AZIN1: variants seen among roughly 807,000 people sequenced by gnomAD.
AZIN1 encodes the protein ornithine decarboxylase antizyme inhibitor.
Under a neutral mutation model 47.4 loss-of-function variants are expected in AZIN1, and 12 were observed. That is an observed-to-expected ratio of 0.25 (90% confidence interval 0.16 to 0.41). The LOEUF (loss-of-function observed/expected upper bound fraction) is 0.41. Ranked by LOEUF, AZIN1 falls within the 10% of genes least tolerant of loss-of-function variation. The pLI, the probability that AZIN1 is intolerant of heterozygous loss-of-function variation, is 1.00. For missense variants in AZIN1, 410 were observed against 532.4 expected, an observed-to-expected ratio of 0.77 and a Z score of 2.26; for synonymous variants, 155 against 176.3, an observed-to-expected ratio of 0.88 and a Z score of 0.96.
chr8:102,831,366 G>C (rs1250404606), intron 9 of AZIN1, among the ~76,000 whole-genome samples: 6 of 151,776 alleles, frequency 4.0e-5, no homozygotes, highest in Non-Finnish European at 8.8e-5. Flanking sequence ...TGAAAATCTG[G>C]TTAAAAACAG....
intron 1 of AZIN1, among the ~76,000 whole-genome samples, chr8:102,858,913 T>C (rs1231513021): frequency 6.6e-6 from 1 of 152,240 alleles, no homozygotes; most frequent in Non-Finnish European, 1.5e-5. Flanking sequence ...TAAGCTAAAA[T>C]GATATACCTA....
At chr8:102,862,584 A>G (rs1813752210) in intron 1 of AZIN1, among the ~76,000 whole-genome samples, 1 of 152,214 alleles carries the variant, frequency 6.6e-6, no homozygotes, top group African/African-American at 2.4e-5. Context: ...GACAATCATG[A>G]GCCATGTTTC....
At chr8:102,834,983 A>G (rs1055020977) in intron 6 of AZIN1, 8 of 465,698 alleles carry the variant, frequency 1.7e-5, no homozygotes, top group Admixed American at 1.2e-4. Flanking sequence ...ATTCTTAACA[A>G]TAAGTCAATT....
At chr8:102,846,023 C>A (rs1586184339) in intron 2 of AZIN1, among the ~76,000 whole-genome samples, 1 of 152,174 alleles carries the variant, frequency 6.6e-6, no homozygotes, top group African/African-American at 2.4e-5. Flanking sequence ...TTAATTGTAT[C>A]TCAGTTGCTG....
At chr8:102,831,000 A>T (rs1811421410) in intron 9 of AZIN1, among the ~76,000 whole-genome samples, 1 of 152,096 alleles carries the variant, frequency 6.6e-6, no homozygotes, top group Admixed American at 6.6e-5. Context: ...ACTCACAGCT[A>T]CTCTACTCTT....
intron 3 of AZIN1, among the ~76,000 whole-genome samples, chr8:102,842,292 AGG>A (rs1563538985): frequency 2.0e-5 from 3 of 152,182 alleles, no homozygotes. Context: ...AACTGAGACC[AGG>A]CACAGTGGCT....
At chr8:102,850,460 A>G (rs1812849583) in intron 2 of AZIN1, among the ~76,000 whole-genome samples, 2 of 152,188 alleles carry the variant, frequency 1.3e-5, no homozygotes, top group Non-Finnish European at 2.9e-5. Flanking sequence ...ATACCTTTAA[A>G]AGTAATTGAC....
intron 6 of AZIN1, 76 bp from the exon 7 acceptor site, chr8:102,834,823 A>G: frequency 1.1e-6 from 1 of 940,792 alleles, no homozygotes; most frequent in Non-Finnish European, 1.7e-6. Flanking sequence ...TTCAACTGTC[A>G]CTCATCATAT....
intron 4 of AZIN1, among the ~76,000 whole-genome samples, chr8:102,839,397 A>G (rs527998613): frequency 4.6e-5 from 7 of 152,338 alleles, no homozygotes; most frequent in African/African-American, 1.2e-4. Context: ...CTCTAGCCTA[A>G]GAATGAGGAA....
chr8:102,855,979 G>A (rs1183425833), intron 2 of AZIN1: 2 of 151,954 alleles, frequency 1.3e-5, no homozygotes, highest in African/African-American at 4.8e-5. Context: ...GAATGAGTCA[G>A]CACCCTGCAA....
intron 4 of AZIN1, 108 bp downstream of exon 4, chr8:102,839,542 A>T (rs1297993607): frequency 1.3e-6 from 1 of 745,178 alleles, no homozygotes; most frequent in Non-Finnish European, 1.9e-6. Context: ...TTATTTTGAA[A>T]CTCCATCCAA....
rs116163017 is a variant in AZIN1 at position 102,846,931 on chromosome 8, G to A, written c.-95-3184C>T. Among the ~76,000 whole-genome samples the A allele has an allele frequency of 3.1e-3, 477 of 151,942 alleles. 7 individuals are homozygous for A. The highest frequency in any genetic ancestry group is 0.011 in the African/African-American group (442 of 41,438). On this transcript the variant is annotated intron_variant, in intron 2 of 11. Coordinates refer to ENST00000337198, the MANE Select transcript of AZIN1 (RefSeq NM_148174.4). ...AGCTAAATAATTTTAATCAACTGAA[G>A]GCTAAACCAAAACAGCTGACATATA...
chr8:102,852,458 C>G (rs959262310), intron 2 of AZIN1, among the ~76,000 whole-genome samples: 1 of 152,056 alleles, frequency 6.6e-6, no homozygotes, highest in Non-Finnish European at 1.5e-5. Flanking sequence ...GCCTGTAATT[C>G]CAGCTACTTG....
At chr8:102,851,023 G>A (rs943641911) in intron 2 of AZIN1, among the ~76,000 whole-genome samples, 1 of 152,126 alleles carries the variant, frequency 6.6e-6, no homozygotes, top group African/African-American at 2.4e-5. Flanking sequence ...TTTGCACGTG[G>A]AATTAACACA....
chr8:102,858,989 A>T (rs1813460917), intron 1 of AZIN1: 1 of 152,200 alleles, frequency 6.6e-6, no homozygotes, highest in East Asian at 1.9e-4. Context: ...TTTGCTAGAA[A>T]GGGGTGGTAA....
At chr8:102,852,678 T>C (rs984645593) in intron 2 of AZIN1, among the ~76,000 whole-genome samples, 18 of 152,158 alleles carry the variant, frequency 1.2e-4, no homozygotes, top group Non-Finnish European at 2.5e-4. Flanking sequence ...CCTGGGCAGG[T>C]TGAACCTGAC....
chr8:102,838,986 A>G lies in AZIN1; in HGVS notation c.277-70T>C, dbSNP rs1013687107. 3.9e-5 allele frequency: 53 copies of G among 1,365,230 alleles called. No homozygotes were observed. In the East Asian group the frequency reaches 1.2e-3, roughly 32 times the overall value. The allele number at this position is 1,365,230 out of a possible 1,614,324, so 84.6% of individuals were successfully genotyped here. On this transcript the variant is annotated intron_variant, in intron 4 of 11. Transcript: ENST00000337198. Reference sequence around the variant, plus strand: ...ATATTCTGGTAATGCTTCCTCTAATACTATTACCCCCACCCCTTTTAAAAC... The same window carrying G: ...ATATTCTGGTAATGCTTCCTCTAATGCTATTACCCCCACCCCTTTTAAAAC...
intron 2 of AZIN1, among the ~76,000 whole-genome samples, chr8:102,844,494 G>C (rs569537655): frequency 4.1e-4 from 62 of 152,320 alleles, no homozygotes; most frequent in African/African-American, 1.1e-3. Context: ...AGTTAGCAAT[G>C]TTATGAGGTG....
chr8:102,828,064 T>C lies in AZIN1; in HGVS notation c.*503A>G, dbSNP rs1200769899. The C allele has an allele frequency of 1.3e-5, 2 of 152,750 alleles. No homozygotes were observed. Among genetic ancestry groups the C allele is most frequent in the South Asian group, 4.1e-4 (2 of 4,836 alleles). The allele number at this position is 152,750 out of a possible 1,614,324, so 9.5% of individuals were successfully genotyped here. A position where few individuals can be genotyped will look rare whatever the true frequency, so the allele number is the denominator to read the frequency against. ...GGTTACATTAGGTCAACAAATACTA[T>C]GATGCAATTTTACATTTATTAAACT... On this transcript the variant is annotated 3_prime_UTR_variant, in exon 12 of 12. Transcript: ENST00000337198.
Sources: allele counts gnomAD v4.1 joint callset (sites outside exome capture counted in the v4.1 genomes callset), GRCh38; gene constraint gnomAD v4.1.1; transcripts MANE v1.5; gene names NCBI Gene and HGNC (gene_info 2026-07-23, HGNC 2026-07-21).